Variants in FERMT2 observed in about 807,000 individuals in gnomAD.
FERMT2 encodes the protein fermitin family homolog 2.
A neutral mutation model predicts 82.7 loss-of-function variants in FERMT2; 15 were observed. That is an observed-to-expected ratio of 0.18 (90% CI 0.12 to 0.28). FERMT2 has a LOEUF of 0.28. Ranked by LOEUF, FERMT2 falls within the 10% of genes least tolerant of loss-of-function variation. FERMT2 has a pLI of 1.00. For synonymous variants in FERMT2, 274 were observed against 271.5 expected (o/e 1.01, Z -0.09); for missense variants, 645 against 809.4 (o/e 0.80, Z 2.46).
intron 3 of FERMT2, among the ~76,000 whole-genome samples, chr14:52,914,448 TA>T (rs1363056374): frequency 6.6e-6 from 1 of 152,142 alleles, no homozygotes; most frequent in Non-Finnish European, 1.5e-5. Flanking sequence ...TGTCAAATGT[TA>T]AAAGCATTTC....
At chr14:52,886,220 G>A (rs190692667) in intron 4 of FERMT2, among the ~76,000 whole-genome samples, 68 of 151,956 alleles carry the variant, frequency 4.5e-4, no homozygotes, top group Admixed American at 5.9e-4. Flanking sequence ...TGTAGGAAAT[G>A]GGGCATTTTC....
intron 2 of FERMT2, among the ~76,000 whole-genome samples, chr14:52,919,860 G>C (rs1156604394): frequency 6.6e-6 from 1 of 152,068 alleles, no homozygotes; most frequent in East Asian, 1.9e-4. Flanking sequence ...TGAAGAGGAG[G>C]AACAGGGAAA....
chr14:52,859,853 T>C, intron 13 of FERMT2, 139 bp from the exon 14 acceptor site: 1 of 474,466 alleles, frequency 2.1e-6, no homozygotes, highest in Admixed American at 4.1e-5. Flanking sequence ...AGTCTTGCTC[T>C]GTTGCCCAGG....
intron 3 of FERMT2, among the ~76,000 whole-genome samples, chr14:52,905,326 G>A (rs534500322): frequency 1.3e-5 from 2 of 152,322 alleles, no homozygotes; most frequent in East Asian, 3.9e-4. Flanking sequence ...GTAGAAAGTG[G>A]TAGGGAATGC....
At chr14:52,891,426 ACTT>A (rs1183115649) in intron 4 of FERMT2, among the ~76,000 whole-genome samples, 1 of 152,168 alleles carries the variant, frequency 6.6e-6, no homozygotes, top group Non-Finnish European at 1.5e-5. Flanking sequence ...GGATTGTCTT[ACTT>A]CTTTGTATCT....
At chr14:52,926,319 T>TTCTA (rs1256850052) in intron 2 of FERMT2, among the ~76,000 whole-genome samples, 5 of 152,188 alleles carry the variant, frequency 3.3e-5, no homozygotes, top group African/African-American at 1.2e-4. Flanking sequence ...CCCTTACATG[T>TTCTA]TCTAATCTAG....
chr14:52,898,757 TCCAAAGTAAATCAA>T (rs1887449712), intron 3 of FERMT2, among the ~76,000 whole-genome samples: 2 of 152,302 alleles, frequency 1.3e-5, no homozygotes, highest in South Asian at 4.1e-4. Flanking sequence ...CATTCATTTC[TCCAAAGTAAATCAA>T]GTACTAGTAT....
At chr14:52,866,108 A>G (rs1885264104) in intron 10 of FERMT2, among the ~76,000 whole-genome samples, 1 of 152,188 alleles carries the variant, frequency 6.6e-6, no homozygotes, top group Admixed American at 6.5e-5. Context: ...ACAATTCCAT[A>G]ATAATTAGGC....
intron 7 of FERMT2, 115 bp downstream of exon 7, chr14:52,878,467 T>C (rs951303767): frequency 2.9e-6 from 2 of 685,780 alleles, no homozygotes; most frequent in Non-Finnish European, 5.0e-6. Context: ...ACTTTCTTCA[T>C]GGCAAAAATT....
intron 2 of FERMT2, among the ~76,000 whole-genome samples, chr14:52,922,482 T>A (rs1889017791): frequency 1.3e-5 from 2 of 149,382 alleles, no homozygotes; most frequent in Admixed American, 6.7e-5. Flanking sequence ...TTTATTAAAT[T>A]AAAAAAAAAA....
At chr14:52,946,017 C>T (rs1314567842) in intron 2 of FERMT2, among the ~76,000 whole-genome samples, 5 of 152,126 alleles carry the variant, frequency 3.3e-5, no homozygotes, top group African/African-American at 1.2e-4. Flanking sequence ...GCTGGGACTA[C>T]AGGTGCCCAT....
intron 2 of FERMT2, among the ~76,000 whole-genome samples, chr14:52,949,872 A>T (rs1271368214): frequency 6.6e-6 from 1 of 152,170 alleles, no homozygotes; most frequent in East Asian, 1.9e-4. Context: ...CCCCACCCCT[A>T]GTAAGAGTGG....
chr14:52,886,029 A>G (rs887043062), intron 4 of FERMT2, among the ~76,000 whole-genome samples: 3 of 152,030 alleles, frequency 2.0e-5, no homozygotes, highest in African/African-American at 4.8e-5. Flanking sequence ...TAATATCACT[A>G]AAAGCAAAAA....
At chr14:52,916,482 T>C (rs1003576312) in intron 3 of FERMT2, among the ~76,000 whole-genome samples, 2 of 151,854 alleles carry the variant, frequency 1.3e-5, no homozygotes, top group Admixed American at 6.6e-5. Flanking sequence ...TCCAAACATA[T>C]GATATTCTGG....
At chr14:52,922,209 C>T (rs577050901) in intron 2 of FERMT2, among the ~76,000 whole-genome samples, 1 of 152,342 alleles carries the variant, frequency 6.6e-6, no homozygotes, top group East Asian at 1.9e-4. Context: ...CCTCAGAACT[C>T]TCCCACAGAG....
In FERMT2 at chr14:52,864,598, C is replaced by T. The variant is rs981827598; in HGVS notation, c.1405G>A (p.Ala469Thr). The T allele has an allele frequency of 3.1e-6, 5 of 1,613,896 alleles. No individual in the cohort carries two copies. The African/African-American group carries it at 6.7e-5, about 22-fold the overall frequency. ...CCTTTGGAGGCTAATCTGCAGGCTG[C>T]CATCCAGTGTGCATACTGTTTTTCC... ...DNEKQYAHWM[A>T]ACRLASKGKT... Residue 469 changes from alanine to threonine, a missense_variant, in exon 12 of 15, where the codon GCA (alanine) becomes ACA (threonine). Physicochemically the swap from Ala to Thr is moderately conservative, Grantham distance 58. Coordinates refer to ENST00000341590, the MANE Select transcript of FERMT2 (RefSeq NM_006832.3).
intron 3 of FERMT2, 93 bp from the exon 4 acceptor site, chr14:52,893,520 C>T (rs1326110628): frequency 2.0e-5 from 20 of 982,268 alleles, no homozygotes; most frequent in Non-Finnish European, 2.8e-5. Flanking sequence ...GAATGTGTAA[C>T]TTCCTTCTGT....
rs1372602167 is a variant in FERMT2, at chr14:52,946,864, G to C, written c.157+3548C>G. Among the ~76,000 whole-genome samples, 15 of 151,948 alleles carry C rather than the reference G, an allele frequency of 9.9e-5. 1 individual carries two copies. On this transcript the variant is annotated intron_variant, in intron 2 of 14. Transcript: ENST00000341590. Reference sequence around the variant, plus strand: ...ATTTTTGTATTTTTAGTAGAGATGGGGTTTCTCCATGTTGGTCAGGCTGGT... The same window carrying C: ...ATTTTTGTATTTTTAGTAGAGATGGCGTTTCTCCATGTTGGTCAGGCTGGT...
chr14:52,878,384 T>C (rs765556118), intron 7 of FERMT2, among the ~76,000 whole-genome samples, 198 bp downstream of exon 7: 1 of 152,184 alleles, frequency 6.6e-6, no homozygotes, highest in Non-Finnish European at 1.5e-5. Flanking sequence ...TACTTAAGTA[T>C]ACCACTGAAC....
Sources: gnomAD v4.1 joint callset for allele counts (sites outside exome capture counted in the v4.1 genomes callset) on GRCh38, gnomAD v4.1.1 for gene constraint, MANE v1.5 for transcripts, NCBI Gene and HGNC (gene_info 2026-07-23, HGNC 2026-07-21) for gene names.